ITSN1: variants seen among roughly 807,000 people sequenced by gnomAD.
ITSN1 encodes the protein intersectin-1.
ITSN1 carries 58 observed loss-of-function variants against 239.8 expected under a neutral mutation model. That is an observed-to-expected ratio of 0.24 (90% confidence interval 0.20 to 0.30). The LOEUF is 0.30. ITSN1 is among the 10% of genes least tolerant of loss of function. The pLI is 1.00. For missense variants in ITSN1, 1,558 were observed against 2,103.3 expected (o/e 0.74, Z 5.07); for synonymous variants, 780 against 770.8 (o/e 1.01, Z -0.20).
chr21:33,757,197 G>T (rs1336956414), intron 8 of ITSN1: 2 of 152,130 alleles, frequency 1.3e-5, no homozygotes, highest in African/African-American at 4.8e-5. Flanking sequence ...GTTGGTGTTT[G>T]CTGTGAGTTG....
chr21:33,805,178 G>A (rs775425975), intron 20 of ITSN1, among the ~76,000 whole-genome samples: 6 of 152,158 alleles, frequency 3.9e-5, no homozygotes, highest in South Asian at 2.1e-4. Flanking sequence ...TCTTTTTCAC[G>A]TCAGGACTAA....
intron 1 of ITSN1, among the ~76,000 whole-genome samples, chr21:33,717,327 G>T (rs2065209645): frequency 6.6e-6 from 1 of 151,974 alleles, no homozygotes; most frequent in African/African-American, 2.4e-5. Context: ...CTCCTGAGTA[G>T]CTGGGACTAC....
At chr21:33,690,698 T>G (rs2091468685) in intron 1 of ITSN1, among the ~76,000 whole-genome samples, 2 of 138,998 alleles carry the variant, frequency 1.4e-5, no homozygotes, top group African/African-American at 2.7e-5. Context: ...GAGGTGGAGG[T>G]TGCAGTGAGC....
At chr21:33,646,385 C>T (rs79959884) in intron 1 of ITSN1, among the ~76,000 whole-genome samples, 3,705 of 152,174 alleles carry the variant, frequency 0.024, 55 homozygotes, top group Non-Finnish European at 0.027. Flanking sequence ...ATCAAAATAT[C>T]ATTTTATAAA....
At chr21:33,793,179 A>G (rs2071278998) in intron 16 of ITSN1, among the ~76,000 whole-genome samples, 1 of 152,222 alleles carries the variant, frequency 6.6e-6, no homozygotes, top group Non-Finnish European at 1.5e-5. Context: ...CTGACTTTCT[A>G]CAGACAAACC....
chr21:33,866,033 T>C (rs967299719), intron 32 of ITSN1, among the ~76,000 whole-genome samples: 1 of 152,196 alleles, frequency 6.6e-6, no homozygotes, highest in Non-Finnish European at 1.5e-5. Context: ...AAATAGCTTC[T>C]GTGAAACAGG....
chr21:33,810,185 A>G (rs2072800715), intron 20 of ITSN1, among the ~76,000 whole-genome samples: 1 of 152,244 alleles, frequency 6.6e-6, no homozygotes, highest in South Asian at 2.1e-4. Flanking sequence ...AAAGAAAAGT[A>G]GAATCGTTTT....
intron 1 of ITSN1, among the ~76,000 whole-genome samples, chr21:33,655,583 ATT>A (rs756792867): frequency 1.5e-4 from 19 of 126,054 alleles, no homozygotes; most frequent in Non-Finnish European, 1.6e-4. Flanking sequence ...TGCCTGGCTA[ATT>A]TTTTTTTTTT....
chr21:33,761,276 C>T (rs2068303985), intron 8 of ITSN1, among the ~76,000 whole-genome samples: 1 of 152,020 alleles, frequency 6.6e-6, no homozygotes, highest in Non-Finnish European at 1.5e-5. Context: ...GGGGTTTTGC[C>T]ATCTGGTCTT....
chr21:33,765,785 A>G lies in ITSN1; in HGVS notation c.789-90A>G, dbSNP rs1009386195. 1.0e-5 allele frequency: 14 copies of G among 1,398,722 alleles called. No individual in the cohort carries two copies. In the African/African-American group the frequency reaches 1.7e-4, roughly 17 times the overall value. The allele number at this position is 1,398,722 out of a possible 1,614,324, so 86.6% of individuals were successfully genotyped here. ...AAGAGACTCAGTTGGCCTGTGGTCA[A>G]TAAGAAAACATAACTTTTAAATCAC... On this transcript the variant is annotated intron_variant, in intron 9 of 39. Coordinates refer to ENST00000381318, the MANE Select transcript of ITSN1 (RefSeq NM_003024.3).
intron 29 of ITSN1, among the ~76,000 whole-genome samples, chr21:33,850,616 C>T (rs1024288956): frequency 7.9e-5 from 12 of 152,194 alleles, no homozygotes; most frequent in African/African-American, 1.7e-4. Flanking sequence ...CACTGAACCC[C>T]GGGGCCGAGC....
At chr21:33,755,776 A>G (rs1208598824) in intron 8 of ITSN1, among the ~76,000 whole-genome samples, 19 of 152,164 alleles carry the variant, frequency 1.2e-4, no homozygotes, top group Admixed American at 1.2e-3. Context: ...GGCAGCAGGC[A>G]GGGTAAAAGC....
At chr21:33,813,501 C>T (rs985282991) in intron 21 of ITSN1, among the ~76,000 whole-genome samples, 8 of 151,580 alleles carry the variant, frequency 5.3e-5, no homozygotes, top group African/African-American at 7.3e-5. Flanking sequence ...TACAGGGGTG[C>T]GCCACCACAC....
At position 33,813,923 on chromosome 21, in the gene ITSN1, A is replaced by G; in HGVS notation, c.2578A>G (p.Ser860Gly). ...TGCTTTTCCCTCCAGGTGGCCCACC[A>G]GCACGAATGAGAAACCAGAAACGGA... ...WADFSSTWPT[S>G]TNEKPETDNW... The change falls in exon 22 of 40, where the codon AGC becomes GGC. Residue 860 changes from serine (S) to glycine (G), a missense_variant. Ser to Gly is a moderately conservative substitution (Grantham distance 56). Transcript: ENST00000381318. 3 of 1,613,282 alleles carry G rather than the reference A, an allele frequency of 1.9e-6. No homozygotes were observed. The highest frequency in any genetic ancestry group is 2.5e-6 in the Non-Finnish European group (3 of 1,179,898).
At chr21:33,756,529 T>C (rs1384663319) in intron 8 of ITSN1, among the ~76,000 whole-genome samples, 1 of 152,152 alleles carries the variant, frequency 6.6e-6, no homozygotes, top group Non-Finnish European at 1.5e-5. Flanking sequence ...TACTTAAAAT[T>C]GCAATTTTTA....
chr21:33,852,533 G>GT (rs1028877368), intron 29 of ITSN1, among the ~76,000 whole-genome samples: 16 of 151,568 alleles, frequency 1.1e-4, no homozygotes, highest in South Asian at 4.2e-4. Context: ...TATTGGTAAG[G>GT]TTTTTTTTTC....
At chr21:33,715,978 A>T (rs1371333467) in intron 1 of ITSN1, among the ~76,000 whole-genome samples, 1 of 152,220 alleles carries the variant, frequency 6.6e-6, no homozygotes, top group African/African-American at 2.4e-5. Context: ...AAGGAGAAAC[A>T]TAACAGTAAA....
At chr21:33,650,750 A>C (rs997102430) in intron 1 of ITSN1, among the ~76,000 whole-genome samples, 2 of 152,240 alleles carry the variant, frequency 1.3e-5, no homozygotes, top group African/African-American at 4.8e-5. Context: ...TGAAAAATTG[A>C]CAAGAAAATG....
intron 1 of ITSN1, among the ~76,000 whole-genome samples, chr21:33,703,556 T>C (rs180673446): frequency 1.3e-5 from 2 of 152,358 alleles, no homozygotes; most frequent in East Asian, 1.9e-4. Context: ...TCCAGCAATA[T>C]GTTTAGAAAG....
Sources: allele counts gnomAD v4.1 joint callset (sites outside exome capture counted in the v4.1 genomes callset), GRCh38; gene constraint gnomAD v4.1.1; transcripts MANE v1.5; gene names NCBI Gene and HGNC (gene_info 2026-07-23, HGNC 2026-07-21).